SLC35G2: variants seen among roughly 807,000 people sequenced by gnomAD.
SLC35G2 encodes transmembrane protein 22.
In SLC35G2, 20 loss-of-function variants were observed where a neutral mutation model predicts 27.2. The observed-to-expected ratio is 0.74, with a 90% CI of 0.52 to 1.07. The LOEUF is 1.07. SLC35G2 is among the 50% of genes least tolerant of loss of function. The pLI, the probability that SLC35G2 is intolerant of heterozygous loss-of-function variation, is 0.00. For missense variants in SLC35G2, 416 were observed against 493.3 expected (o/e 0.84, Z 1.48); for synonymous variants, 148 against 165.3 (o/e 0.90, Z 0.80).
chr3:136,832,795 G>A (rs182090345), intron 1 of SLC35G2, among the ~76,000 whole-genome samples: 180 of 152,218 alleles, frequency 1.2e-3, no homozygotes, highest in Middle Eastern at 6.8e-3. Context: ...GAGGCCGGGT[G>A]TGGTGGCTCA....
chr3:136,829,228 CT>C (rs531732492), intron 1 of SLC35G2, among the ~76,000 whole-genome samples: 6,324 of 143,994 alleles, frequency 0.044, 167 homozygotes, highest in South Asian at 0.072. Flanking sequence ...CTTTAGATGA[CT>C]TTTTTTTTTT....
At chr3:136,832,303 C>A (rs1394444726) in intron 1 of SLC35G2, among the ~76,000 whole-genome samples, 1 of 152,156 alleles carries the variant, frequency 6.6e-6, no homozygotes, top group Non-Finnish European at 1.5e-5. Flanking sequence ...TGTGAGCCAC[C>A]ATGCCCAGCT....
intron 1 of SLC35G2, among the ~76,000 whole-genome samples, chr3:136,849,699 G>C (rs996786670): frequency 6.6e-5 from 10 of 151,438 alleles, no homozygotes; most frequent in African/African-American, 2.4e-4. Context: ...TACCATGTTG[G>C]CCAGGCTGGT....
At chr3:136,852,783 G>A (rs914804202) in intron 1 of SLC35G2, among the ~76,000 whole-genome samples, 17 of 152,072 alleles carry the variant, frequency 1.1e-4, no homozygotes, top group Non-Finnish European at 1.2e-4. Flanking sequence ...ATGAGCCAGC[G>A]TGCCTGGTCT....
intron 1 of SLC35G2, among the ~76,000 whole-genome samples, chr3:136,851,390 C>T (rs1937621938): frequency 7.2e-6 from 1 of 139,772 alleles, no homozygotes; most frequent in Non-Finnish European, 1.5e-5. Context: ...CCCAGCTACT[C>T]GGGAGGCTGA....
At chr3:136,837,835 A>G (rs1936917706) in intron 1 of SLC35G2, 1 of 132,838 alleles carries the variant, frequency 7.5e-6, no homozygotes, top group African/African-American at 2.8e-5. Context: ...TTCCTGGTAC[A>G]ATTAACTCTT....
At chr3:136,838,327 TACAG>T (rs1936953206) in intron 1 of SLC35G2, 1 of 151,038 alleles carries the variant, frequency 6.6e-6, no homozygotes, top group Non-Finnish European at 1.5e-5. Context: ...CATGTTCTCC[TACAG>T]ACATTAAAGG....
intron 1 of SLC35G2, chr3:136,837,591 A>G (rs1346869444): frequency 6.6e-6 from 1 of 152,210 alleles, no homozygotes; most frequent in African/African-American, 2.4e-5. Context: ...GTAAATATAT[A>G]TACATATAAA....
chr3:136,832,282 G>T (rs554540276), intron 1 of SLC35G2, among the ~76,000 whole-genome samples: 4 of 152,154 alleles, frequency 2.6e-5, no homozygotes, highest in African/African-American at 4.8e-5. Flanking sequence ...CCAAAATGCT[G>T]GGATTACAGG....
chr3:136,823,158 TC>T (rs1936500178), intron 1 of SLC35G2, among the ~76,000 whole-genome samples: 1 of 152,226 alleles, frequency 6.6e-6, no homozygotes, highest in South Asian at 2.1e-4. Flanking sequence ...TTTCTGATGA[TC>T]AATGATGTTG....
At chr3:136,844,745 C>T (rs1223819281) in intron 1 of SLC35G2, among the ~76,000 whole-genome samples, 1 of 131,784 alleles carries the variant, frequency 7.6e-6, no homozygotes, top group Non-Finnish European at 1.5e-5. Context: ...TTGTAGTGAG[C>T]AGAGATTGGG....
intron 1 of SLC35G2, among the ~76,000 whole-genome samples, chr3:136,829,244 A>G (rs1001032820): frequency 6.7e-6 from 1 of 149,788 alleles, no homozygotes; most frequent in African/African-American, 2.5e-5. Context: ...TTTTTTTTAG[A>G]TGGAGTCTTG....
At chr3:136,822,935 G>A (rs559006851) in intron 1 of SLC35G2, among the ~76,000 whole-genome samples, 2 of 152,310 alleles carry the variant, frequency 1.3e-5, no homozygotes, top group Admixed American at 1.3e-4. Flanking sequence ...CCAGCAGTGG[G>A]ATTGCTGGAT....
Position 136,819,310 on chromosome 3 carries a change from C to G in SLC35G2, c.-337C>G, listed in dbSNP as rs1279039683. 1 of 151,846 alleles carries G rather than the reference C, an allele frequency of 6.6e-6. No homozygotes were observed. The highest frequency in any genetic ancestry group is 1.5e-5 in the Non-Finnish European group (1 of 67,946). The allele number at this position is 151,846 out of a possible 1,614,324, so 9.4% of individuals were successfully genotyped here. A position where few individuals can be genotyped will look rare whatever the true frequency, so the allele number is the denominator to read the frequency against. On this transcript the variant is annotated 5_prime_UTR_variant, in exon 1 of 2. Coordinates refer to ENST00000446465, the MANE Select transcript of SLC35G2 (RefSeq NM_025246.3). The stretch of plus-strand genomic sequence containing the variant: ...CAAGGGAATGAGAGCGGACCCCGAA[C>G]TCCACACACCCGCGTTTAGCCGCCA...
intron 1 of SLC35G2, chr3:136,843,451 T>G (rs1028392496): frequency 2.0e-5 from 3 of 149,398 alleles, no homozygotes; most frequent in African/African-American, 7.5e-5. Context: ...CGAGACCAGC[T>G]TGGCCAATGT....
chr3:136,820,969 T>A (rs1936442795), intron 1 of SLC35G2, among the ~76,000 whole-genome samples: 1 of 126,950 alleles, frequency 7.9e-6, no homozygotes, highest in South Asian at 2.8e-4. Context: ...GAACAACATA[T>A]AAATAATCAT....
rs372642456 is a variant in SLC35G2, at chr3:136,833,684, T to A, written c.-19+14056T>A. 3.3e-5 allele frequency among the ~76,000 whole-genome samples: 5 copies of A among 152,232 alleles called. No individual in the cohort carries two copies. In the East Asian group the frequency reaches 9.7e-4, roughly 29 times the overall value. On this transcript the variant is annotated intron_variant, in intron 1 of 1. Coordinates refer to ENST00000446465, the MANE Select transcript of SLC35G2 (RefSeq NM_025246.3). Reference sequence around the variant, plus strand: ...CTGTGAGATATAATGTTGCCGTTGATCTGACAGGAGGTAGAACTCAGGCAG... The same window carrying A: ...CTGTGAGATATAATGTTGCCGTTGAACTGACAGGAGGTAGAACTCAGGCAG...
intron 1 of SLC35G2, among the ~76,000 whole-genome samples, chr3:136,827,841 T>G (rs1480095674): frequency 6.7e-6 from 1 of 148,582 alleles, no homozygotes; most frequent in Non-Finnish European, 1.5e-5. Flanking sequence ...GGGTTTTTGT[T>G]TTTTTTTTTT....
intron 1 of SLC35G2, among the ~76,000 whole-genome samples, chr3:136,851,310 C>T (rs889793694): frequency 6.6e-5 from 10 of 151,098 alleles, no homozygotes; most frequent in Non-Finnish European, 1.3e-4. Context: ...CTGGCTAATA[C>T]GGTGAAACCC....
Sources: gnomAD v4.1 joint callset for allele counts (sites outside exome capture counted in the v4.1 genomes callset) on GRCh38, gnomAD v4.1.1 for gene constraint, MANE v1.5 for transcripts, NCBI Gene and HGNC (gene_info 2026-07-23, HGNC 2026-07-21) for gene names.